Variants in TMEM114 observed in about 807,000 individuals in gnomAD.
The protein encoded by TMEM114 is transmembrane protein 114.
A neutral mutation model predicts 6.2 loss-of-function variants in TMEM114; 6 were observed. The ratio of observed to expected loss-of-function variants is 0.97; its 90% CI spans 0.53 to 1.91. TMEM114 has a LOEUF of 1.91. Ranked by LOEUF, TMEM114 falls within the 40% of genes most tolerant of loss-of-function variation. The pLI, the probability that TMEM114 is intolerant of heterozygous loss-of-function variation, is 0.01. For synonymous variants in TMEM114, 104 were observed against 73.0 expected, an observed-to-expected ratio of 1.42 and a Z score of -2.16; for missense variants, 218 against 158.3, an observed-to-expected ratio of 1.38 and a Z score of -2.02.
chr16:8,544,902 C>G (rs1408607455), intron 2 of TMEM114, among the ~76,000 whole-genome samples: 2 of 150,654 alleles, frequency 1.3e-5, no homozygotes, highest in Non-Finnish European at 2.9e-5. Context: ...CAAGTGGTTA[C>G]TCTTCTCCTC....
At chr16:8,535,870 C>A (rs544826487), downstream of TMEM114, among the ~76,000 whole-genome samples, 5 of 152,114 alleles carry the variant, frequency 3.3e-5, no homozygotes, top group Non-Finnish European at 5.9e-5. Context: ...CTCTTTGGGT[C>A]GATCCTGAGC....
chr16:8,549,975 A>G (rs1388326715), intron 2 of TMEM114, among the ~76,000 whole-genome samples: 2 of 152,242 alleles, frequency 1.3e-5, no homozygotes, highest in East Asian at 1.9e-4. Flanking sequence ...GGAAGCCGAC[A>G]GTGCAGCCTT....
Position 8,541,134 on chromosome 16 carries a change from T to C in TMEM114, n.213-3308A>G, listed in dbSNP as rs117142030. ...GCAATCATATATTGAACTCTTGCTA[T>C]ATGCCAGGCATATTATATCATATCG... On this transcript the variant is annotated intron_variant and non_coding_transcript_variant, in intron 2 of 2. Coordinates refer to the TMEM114 transcript ENST00000623677. 3.6e-3 allele frequency among the ~76,000 whole-genome samples: 547 copies of C among 152,306 alleles called. 8 individuals carry two copies. In the South Asian group the frequency reaches 0.052, roughly 14 times the overall value.
chr16:8,560,144 C>T (rs1901152636), intron 2 of TMEM114, among the ~76,000 whole-genome samples: 1 of 151,994 alleles, frequency 6.6e-6, no homozygotes, highest in Non-Finnish European at 1.5e-5. Context: ...AGGTGCACAC[C>T]ACCATACCCG....
downstream of TMEM114, among the ~76,000 whole-genome samples, chr16:8,565,078 T>A (rs150938534): frequency 0.048 from 5,770 of 121,304 alleles, 148 homozygotes; most frequent in South Asian, 0.12. Flanking sequence ...AGTGAGTGAG[T>A]GAATGAGTAA....
chr16:8,545,823 A>G (rs1900649040), intron 2 of TMEM114, among the ~76,000 whole-genome samples: 1 of 152,182 alleles, frequency 6.6e-6, no homozygotes, highest in Non-Finnish European at 1.5e-5. Context: ...GATTTCATAA[A>G]TAAATGCTCA....
chr16:8,532,396 A>G, the TMEM114 span, among the ~76,000 whole-genome samples: 11 of 152,118 alleles, frequency 7.2e-5, no homozygotes, highest in African/African-American at 2.4e-4. Flanking sequence ...TTTCAACACT[A>G]AAACTTCTAG....
At chr16:8,540,240 T>C (rs1374070214) in intron 2 of TMEM114, among the ~76,000 whole-genome samples, 1 of 152,192 alleles carries the variant, frequency 6.6e-6, no homozygotes, top group Non-Finnish European at 1.5e-5. Context: ...AGATTAAGGA[T>C]ACAGTGATGA....
chr16:8,557,939 CA>C (rs1192078854), intron 2 of TMEM114, among the ~76,000 whole-genome samples: 1 of 152,160 alleles, frequency 6.6e-6, no homozygotes, highest in Non-Finnish European at 1.5e-5. Context: ...TATTCTCTCA[CA>C]ATTCTGAAGG....
chr16:8,563,943 A>AAGTAAATGAGTGAGTGAATG (rs1901403976), intron 2 of TMEM114, among the ~76,000 whole-genome samples: 1 of 126,560 alleles, frequency 7.9e-6, no homozygotes, highest in South Asian at 3.0e-4. Context: ...GTGAACGAGT[A>AAGTAAATGAGTGAGTGAATG]AGTAAATGAG....
At chr16:8,551,350 C>T (rs1379312909) in intron 2 of TMEM114, among the ~76,000 whole-genome samples, 1 of 152,216 alleles carries the variant, frequency 6.6e-6, no homozygotes, top group Non-Finnish European at 1.5e-5. Flanking sequence ...CAAGCTCCAG[C>T]CCCTAGTAAC....
chr16:8,531,940 T>C, the TMEM114 span: 1 of 152,212 alleles, frequency 6.6e-6, no homozygotes, highest in East Asian at 1.9e-4. Context: ...CTCATGTAGA[T>C]GAGAAGTAAA....
chr16:8,579,674 G>A (rs750784143), intron 2 of TMEM114, among the ~76,000 whole-genome samples: 1 of 152,114 alleles, frequency 6.6e-6, no homozygotes, highest in Non-Finnish European at 1.5e-5. Flanking sequence ...TTGCAGAGTT[G>A]TGGGCACTGA....
intron 2 of TMEM114, among the ~76,000 whole-genome samples, chr16:8,574,402 T>C (rs1901842898): frequency 6.6e-6 from 1 of 152,170 alleles, no homozygotes; most frequent in Non-Finnish European, 1.5e-5. Flanking sequence ...CATAACTTGG[T>C]CCGTGACCTC....
intron 2 of TMEM114, among the ~76,000 whole-genome samples, chr16:8,583,836 C>G (rs765363593): frequency 6.6e-6 from 1 of 152,168 alleles, no homozygotes; most frequent in South Asian, 2.1e-4. Context: ...TGCCCCTACA[C>G]CTGATGACAG....
chr16:8,528,878 A>AG, the TMEM114 span, among the ~76,000 whole-genome samples: 1 of 152,150 alleles, frequency 6.6e-6, no homozygotes, highest in African/African-American at 2.4e-5. Context: ...CATTCTTGGT[A>AG]GGGGGGATAT....
intron 2 of TMEM114, among the ~76,000 whole-genome samples, chr16:8,541,126 T>G (rs80344472): frequency 0.099 from 15,044 of 152,160 alleles, 888 homozygotes; most frequent in Middle Eastern, 0.21. Context: ...TATATTGAAC[T>G]CTTGCTATAT....
intron 2 of TMEM114, among the ~76,000 whole-genome samples, chr16:8,577,789 A>G (rs1443667728): frequency 6.6e-6 from 1 of 151,694 alleles, no homozygotes; most frequent in Non-Finnish European, 1.5e-5. Context: ...ATTTCACCAT[A>G]TTGGTCAGGC....
chr16:8,555,007 G>A (rs527559899), intron 2 of TMEM114, among the ~76,000 whole-genome samples: 3 of 152,318 alleles, frequency 2.0e-5, no homozygotes, highest in South Asian at 2.1e-4. Flanking sequence ...GTCAGAAGGT[G>A]AGGCAGCCTT....
Sources: allele counts gnomAD v4.1 joint callset (sites outside exome capture counted in the v4.1 genomes callset), GRCh38; gene constraint gnomAD v4.1.1; transcripts MANE v1.5; gene names NCBI Gene and HGNC (gene_info 2026-07-23, HGNC 2026-07-21).